The following SEMA6D variants were observed in gnomAD, a reference collection of about 807,000 sequenced individuals.
The protein encoded by SEMA6D is semaphorin-6D.
SEMA6D carries 35 observed loss-of-function variants against 106.6 expected under a neutral mutation model. The observed-to-expected ratio is 0.33, with a 90% CI of 0.25 to 0.44. The LOEUF is 0.44. Ranked by LOEUF, SEMA6D falls within the 20% of genes least tolerant of loss-of-function variation. SEMA6D has a pLI of 1.00. For synonymous variants in SEMA6D, 499 were observed against 487.7 expected (o/e 1.02, Z -0.31); for missense variants, 1,185 against 1,345.9 (o/e 0.88, Z 1.87).
chr15:47,428,268 T>A (rs2041411251), intron 2 of SEMA6D, among the ~76,000 whole-genome samples: 1 of 152,052 alleles, frequency 6.6e-6, no homozygotes, highest in South Asian at 2.1e-4. Context: ...GAGAAAAGAA[T>A]AATGAGTTTA....
At chr15:47,317,446 T>C (rs1231345537) in intron 1 of SEMA6D, among the ~76,000 whole-genome samples, 11 of 152,216 alleles carry the variant, frequency 7.2e-5, no homozygotes, top group Non-Finnish European at 1.6e-4. Flanking sequence ...TCACTTATCC[T>C]TCTCTAGTGG....
upstream of SEMA6D, among the ~76,000 whole-genome samples, chr15:47,714,339 G>GATA (rs139857492): frequency 0.024 from 3,604 of 152,108 alleles, 123 homozygotes; most frequent in African/African-American, 0.083. Context: ...CTATAAAAAT[G>GATA]ATAATAATAA....
At chr15:47,730,788 G>C in intron 1 of SEMA6D, 1 of 1,593,030 alleles carries the variant, frequency 6.3e-7, no homozygotes, top group Non-Finnish European at 8.5e-7. Context: ...AGCGGGTGAG[G>C]TCTCTTTTGG....
intron 1 of SEMA6D, among the ~76,000 whole-genome samples, chr15:47,221,060 C>T (rs1443517209): frequency 6.6e-6 from 1 of 152,196 alleles, no homozygotes; most frequent in Non-Finnish European, 1.5e-5. Context: ...GATCTGCTTT[C>T]CACCCTCTGT....
intron 4 of SEMA6D, among the ~76,000 whole-genome samples, chr15:47,655,127 A>G (rs2077767390): frequency 1.3e-5 from 2 of 152,070 alleles, no homozygotes; most frequent in South Asian, 2.1e-4. Context: ...TTCCCTCCAT[A>G]CCTTTCTTGA....
chr15:47,477,558 T>G (rs149389588), intron 3 of SEMA6D, among the ~76,000 whole-genome samples: 2 of 152,324 alleles, frequency 1.3e-5, no homozygotes, highest in Admixed American at 1.3e-4. Context: ...GAAGGCATAT[T>G]GCTGTCATCA....
chr15:47,581,313 G>T, intron 3 of SEMA6D: 1 of 484,076 alleles, frequency 2.1e-6, no homozygotes, highest in Non-Finnish European at 4.1e-6. Flanking sequence ...GTGACATAGT[G>T]ATTTTTAGGA....
intron 4 of SEMA6D, among the ~76,000 whole-genome samples, chr15:47,655,947 G>C (rs1446539501): frequency 6.6e-6 from 1 of 152,248 alleles, no homozygotes; most frequent in Non-Finnish European, 1.5e-5. Context: ...GTTGAGCAAG[G>C]TGATGCTCTG....
upstream of SEMA6D, among the ~76,000 whole-genome samples, chr15:47,712,588 AAAT>A (rs1157519541): frequency 1.3e-5 from 2 of 152,346 alleles, no homozygotes; most frequent in Middle Eastern, 3.4e-3. Flanking sequence ...TGGCAGAAGC[AAAT>A]AATAATAATA....
intron 1 of SEMA6D, among the ~76,000 whole-genome samples, chr15:47,217,313 A>AATGGT (rs1315145460): frequency 6.6e-6 from 1 of 152,192 alleles, no homozygotes; most frequent in Non-Finnish European, 1.5e-5. Context: ...TTAACCCAAC[A>AATGGT]ACCTCACAGC....
At chr15:47,204,345 A>T (rs1042078359) in intron 1 of SEMA6D, among the ~76,000 whole-genome samples, 2 of 152,154 alleles carry the variant, frequency 1.3e-5, no homozygotes, top group African/African-American at 4.8e-5. Context: ...TTCTCTCACT[A>T]TGGACTATTC....
intron 4 of SEMA6D, among the ~76,000 whole-genome samples, chr15:47,624,082 C>T (rs914488973): frequency 3.3e-5 from 5 of 152,172 alleles, no homozygotes; most frequent in African/African-American, 1.2e-4. Flanking sequence ...TCAGAACTGC[C>T]GTCCGTACCC....
At chr15:47,457,384 GA>G (rs1313800612) in intron 2 of SEMA6D, among the ~76,000 whole-genome samples, 7 of 151,152 alleles carry the variant, frequency 4.6e-5, no homozygotes, top group African/African-American at 9.7e-5. Flanking sequence ...AGAAGATTCA[GA>G]AAAAAAACAC....
chr15:47,727,878 G>T (rs1312539521), intron 1 of SEMA6D, among the ~76,000 whole-genome samples: 1 of 152,210 alleles, frequency 6.6e-6, no homozygotes, highest in African/African-American at 2.4e-5. Flanking sequence ...CGGTCAGGAT[G>T]GAATTTTTTC....
chr15:47,314,023 T>C (rs2143194951), intron 1 of SEMA6D, among the ~76,000 whole-genome samples: 1 of 152,342 alleles, frequency 6.6e-6, no homozygotes, highest in Admixed American at 6.5e-5. Flanking sequence ...TCAAACTGTC[T>C]TTCAAAGTGG....
At chr15:47,668,124 C>G (rs2078064556) in intron 4 of SEMA6D, among the ~76,000 whole-genome samples, 2 of 152,152 alleles carry the variant, frequency 1.3e-5, no homozygotes, top group Admixed American at 1.3e-4. Context: ...TGTGGTGTGT[C>G]TCTTTATCTC....
intron 2 of SEMA6D, among the ~76,000 whole-genome samples, chr15:47,445,795 G>A (rs1328770462): frequency 3.3e-5 from 5 of 151,916 alleles, no homozygotes; most frequent in Non-Finnish European, 7.4e-5. Context: ...CTCCCCCTCA[G>A]CATATGTTCA....
intron 1 of SEMA6D, among the ~76,000 whole-genome samples, chr15:47,306,090 T>A (rs1170201617): frequency 6.6e-6 from 1 of 152,200 alleles, no homozygotes; most frequent in East Asian, 1.9e-4. Flanking sequence ...CAAGTGATTC[T>A]CCTGTCTCAG....
intron 3 of SEMA6D, among the ~76,000 whole-genome samples, chr15:47,506,599 A>AACACACACAC (rs61155774): frequency 0.023 from 3,212 of 137,830 alleles, 88 homozygotes; most frequent in African/African-American, 0.067. Context: ...CACACACACA[A>AACACACACAC]ACACACACAC....
Sources: gnomAD v4.1 joint callset for allele counts (sites outside exome capture counted in the v4.1 genomes callset) on GRCh38, gnomAD v4.1.1 for gene constraint, MANE v1.5 for transcripts, NCBI Gene and HGNC (gene_info 2026-07-23, HGNC 2026-07-21) for gene names.